Variants in FEZ2 observed in about 807,000 individuals in gnomAD.
FEZ2 encodes fasciculation and elongation protein zeta-2.
Under a neutral mutation model 40.4 loss-of-function variants are expected in FEZ2, and 51 were observed. The ratio of observed to expected loss-of-function variants is 1.26; its 90% CI spans 1.01 to 1.59. The LOEUF (loss-of-function observed/expected upper bound fraction) is 1.59, where lower values mean the gene tolerates loss of function less well. FEZ2 is among the 40% of genes most tolerant of loss of function. FEZ2 has a pLI of 0.00. For missense variants in FEZ2, 640 were observed against 438.3 expected (o/e 1.46, Z -4.11); for synonymous variants, 242 against 172.0 (o/e 1.41, Z -3.18).
At chr2:36,579,083 C>A (rs1048322961) in intron 4 of FEZ2, 1 of 467,216 alleles carries the variant, frequency 2.1e-6, no homozygotes, top group Non-Finnish European at 3.7e-6. Context: ...GCAGGTGAGT[C>A]ACTTCTCAGC....
intron 5 of FEZ2, among the ~76,000 whole-genome samples, chr2:36,568,730 G>C (rs569331335): frequency 4.7e-4 from 71 of 152,160 alleles, no homozygotes; most frequent in African/African-American, 1.6e-3. Context: ...TGGCAAGGAC[G>C]GAGGAAGAGG....
chr2:36,562,192 T>C (rs986206251), intron 5 of FEZ2, among the ~76,000 whole-genome samples: 1 of 152,168 alleles, frequency 6.6e-6, no homozygotes, highest in South Asian at 2.1e-4. Flanking sequence ...TTTTGTAAAA[T>C]ATTATTTTTC....
intron 5 of FEZ2, among the ~76,000 whole-genome samples, chr2:36,572,261 T>G (rs1382363517): frequency 6.6e-6 from 1 of 152,160 alleles, no homozygotes; most frequent in Non-Finnish European, 1.5e-5. Flanking sequence ...CTGCCACACG[T>G]AGCTTGGAGA....
intron 5 of FEZ2, among the ~76,000 whole-genome samples, chr2:36,576,602 T>TA (rs1558450949): frequency 6.6e-6 from 1 of 152,206 alleles, no homozygotes; most frequent in East Asian, 1.9e-4. Flanking sequence ...TACAGGAAAC[T>TA]AGTACTGCAA....
At chr2:36,593,769 G>T (rs988962728) in intron 1 of FEZ2, among the ~76,000 whole-genome samples, 3 of 151,956 alleles carry the variant, frequency 2.0e-5, no homozygotes, top group African/African-American at 7.2e-5. Flanking sequence ...CCCCATGGTC[G>T]TGGGGATTAA....
chr2:36,558,645 T>C (rs1405761754), intron 5 of FEZ2, 132 bp from the exon 6 acceptor site: 2 of 490,834 alleles, frequency 4.1e-6, no homozygotes, highest in East Asian at 3.1e-5. Flanking sequence ...AACACAGGTA[T>C]TGTATGGGAA....
At chr2:36,578,308 C>T (rs986063669) in intron 5 of FEZ2, among the ~76,000 whole-genome samples, 3 of 152,234 alleles carry the variant, frequency 2.0e-5, no homozygotes, top group African/African-American at 7.2e-5. Flanking sequence ...CTTGCTAAAG[C>T]TTCTTTTCTT....
At chr2:36,566,345 A>AC (rs948148594) in intron 5 of FEZ2, among the ~76,000 whole-genome samples, 25 of 152,084 alleles carry the variant, frequency 1.6e-4, no homozygotes, top group African/African-American at 5.8e-4. Context: ...GTCTCAAAAA[A>AC]AAAAAAAAGT....
At position 36,582,742 on chromosome 2, in the gene FEZ2, A is replaced by T. The variant is rs146048614; in HGVS notation, c.492+611T>A. The stretch of plus-strand genomic sequence containing the variant: ...TCTCATCTTTCCAGCCTAAAAATAG[A>T]GTGTGGTAGAACTCACAGTCCGAGT... On this transcript the variant is annotated intron_variant, in intron 3 of 7. Coordinates refer to ENST00000405912, the MANE Select transcript of FEZ2 (RefSeq NM_005102.3). Among the ~76,000 whole-genome samples, 44 of 152,354 alleles carry T rather than the reference A, an allele frequency of 2.9e-4. 2 individuals carry two copies. Among genetic ancestry groups the T allele is most frequent in the African/African-American group, 1.0e-3 (42 of 41,588 alleles).
intron 1 of FEZ2, among the ~76,000 whole-genome samples, chr2:36,595,841 A>T (rs1409093524): frequency 1.3e-5 from 2 of 152,236 alleles, no homozygotes; most frequent in Non-Finnish European, 2.9e-5. Flanking sequence ...CATCTACTAA[A>T]TACCATTAAC....
At chr2:36,553,289 G>GGT in intron 7 of FEZ2, 110 bp from the exon 8 acceptor site, 1 of 839,360 alleles carries the variant, frequency 1.2e-6, no homozygotes, top group South Asian at 1.6e-5. Flanking sequence ...AGAACTAAAT[G>GGT]TTAATGCAAA....
chr2:36,559,488 A>C (rs555409396), intron 5 of FEZ2, among the ~76,000 whole-genome samples: 3 of 152,362 alleles, frequency 2.0e-5, no homozygotes, highest in African/African-American at 4.8e-5. Flanking sequence ...CAGGATAAAG[A>C]AAGCTGCTTT....
At chr2:36,579,484 C>T (rs1444992721) in intron 4 of FEZ2, among the ~76,000 whole-genome samples, 1 of 151,974 alleles carries the variant, frequency 6.6e-6, no homozygotes, top group Non-Finnish European at 1.5e-5. Context: ...TTAGTACCAT[C>T]CCCCTGGTGC....
chr2:36,588,309 T>C (rs1326682945), intron 2 of FEZ2, among the ~76,000 whole-genome samples: 1 of 152,196 alleles, frequency 6.6e-6, no homozygotes, highest in Non-Finnish European at 1.5e-5. Context: ...ATTACAGGCA[T>C]GAGCCACCGC....
At chr2:36,558,260 C>T in intron 6 of FEZ2, 178 bp downstream of exon 6, 1 of 428,858 alleles carries the variant, frequency 2.3e-6, no homozygotes, top group Non-Finnish European at 4.2e-6. Context: ...ACTAGAGTTA[C>T]TGTTGTATTT....
Position 36,583,463 on chromosome 2 carries a change from C to T in FEZ2, c.382G>A (p.Asp128Asn). Reference sequence around the variant, plus strand: ...TCTGATGTATCAAAGAGCAAACTGTCACTTACCTAAAAACAAAAATACCCA... The same window carrying T: ...TCTGATGTATCAAAGAGCAAACTGTTACTTACCTAAAAACAAAAATACCCA... ...TLNLSEKGVS[D>N]SLLFDTSDDE... The change falls in exon 3 of 8, where the codon GAC (aspartate) becomes AAC (asparagine). Residue 128 changes from aspartate (D) to asparagine (N), a missense_variant. Physicochemically the swap from Asp to Asn is conservative, Grantham distance 23. Transcript: ENST00000405912. The T allele has an allele frequency of 7.1e-6, 11 of 1,555,334 alleles. No homozygotes were observed. Among genetic ancestry groups the T allele is most frequent in the Non-Finnish European group, 8.9e-6 (10 of 1,126,682 alleles).
chr2:36,595,523 C>T (rs772915187), intron 1 of FEZ2, among the ~76,000 whole-genome samples: 14 of 152,124 alleles, frequency 9.2e-5, no homozygotes, highest in Non-Finnish European at 1.5e-4. Context: ...TGGGGAGGAG[C>T]TGTAAATACA....
chr2:36,565,377 C>G (rs1159023872), intron 5 of FEZ2, among the ~76,000 whole-genome samples: 4 of 152,170 alleles, frequency 2.6e-5, no homozygotes, highest in Admixed American at 2.6e-4. Flanking sequence ...AAACAAAAAC[C>G]AGGTGCCTCA....
At chr2:36,562,962 AG>A (rs2125222652) in intron 5 of FEZ2, among the ~76,000 whole-genome samples, 1 of 152,360 alleles carries the variant, frequency 6.6e-6, no homozygotes, top group Admixed American at 6.5e-5. Context: ...CTAGATAAAA[AG>A]TTTCAGAATC....
Sources: allele counts gnomAD v4.1 joint callset (sites outside exome capture counted in the v4.1 genomes callset), GRCh38; gene constraint gnomAD v4.1.1; transcripts MANE v1.5; gene names NCBI Gene and HGNC (gene_info 2026-07-23, HGNC 2026-07-21).